Variants in ZNF224 observed in about 807,000 individuals in gnomAD.
ZNF224 encodes the protein bone marrow zinc finger 2.
In ZNF224, 8 loss-of-function variants were observed where a neutral mutation model predicts 10.5. The observed-to-expected ratio is 0.76, with a 90% CI of 0.45 to 1.37. The LOEUF (loss-of-function observed/expected upper bound fraction) is 1.37, where lower values mean the gene tolerates loss of function less well. Among genes scored for constraint, ZNF224 ranks in the 40% most tolerant of loss-of-function variants. The pLI, the probability that ZNF224 is intolerant of heterozygous loss-of-function variation, is 0.00. For missense variants in ZNF224, 754 were observed against 854.0 expected, an observed-to-expected ratio of 0.88 and a Z score of 1.46; for synonymous variants, 282 against 287.8, an observed-to-expected ratio of 0.98 and a Z score of 0.20.
chr19:44,108,324 G>T lies in ZNF224; in HGVS notation c.*40G>T. The T allele has an allele frequency of 6.4e-7, 1 of 1,554,564 alleles. No individual in the cohort carries two copies. Among genetic ancestry groups the T allele is most frequent in the South Asian group, 1.2e-5 (1 of 81,012 alleles). On this transcript the variant is annotated 3_prime_UTR_variant, in exon 6 of 6. Coordinates refer to ENST00000693561, the MANE Select transcript of ZNF224 (RefSeq NM_001321645.3). ...AATAAAGTCTTCACTCAGTCTTCATGAATGCAGTCTCATCTGAAAGTTCAC... is the reference window on the plus strand; with the variant it reads ...AATAAAGTCTTCACTCAGTCTTCATTAATGCAGTCTCATCTGAAAGTTCAC...
At chr19:44,104,922 G>A (rs1301737142) in intron 5 of ZNF224, among the ~76,000 whole-genome samples, 7 of 152,130 alleles carry the variant, frequency 4.6e-5, no homozygotes, top group African/African-American at 1.2e-4. Flanking sequence ...TCGGCCTCCC[G>A]AAGTGCTGGG....
intron 5 of ZNF224, among the ~76,000 whole-genome samples, chr19:44,102,346 A>G (rs1218334797): frequency 1.3e-5 from 2 of 152,084 alleles, no homozygotes; most frequent in African/African-American, 4.8e-5. Context: ...TTTATCTGTC[A>G]CTTCTACATG....
In ZNF224 at chr19:44,100,812, C is replaced by T; in HGVS notation, c.27C>T (p.Thr9=). The T allele has an allele frequency of 6.2e-7, 1 of 1,613,828 alleles. No homozygotes were observed. Residue 9 remains threonine, a synonymous_variant, in exon 4 of 6, where the codon ACC becomes ACT. Transcript: ENST00000693561. ...GTTTGATGCTATAGGAGGCAATGACCTTCAAGGACGTGGCTGTGGTCTTCA... is the reference window on the plus strand; with the variant it reads ...GTTTGATGCTATAGGAGGCAATGACTTTCAAGGACGTGGCTGTGGTCTTCA... MTTFKEAM[T]FKDVAVVFTE...
rs1568531827 is a variant in ZNF224 at position 44,106,738 on chromosome 19, T to C, written c.578T>C (p.Ile193Thr). The C allele has an allele frequency of 1.9e-6, 3 of 1,611,342 alleles. No individual in the cohort carries two copies. In the Admixed American group the frequency reaches 5.0e-5, roughly 27 times the overall value. Residue 193 changes from isoleucine to threonine, a missense_variant, in exon 6 of 6, where the codon ATT (isoleucine) becomes ACT (threonine). Physicochemically the swap from Ile to Thr is moderately conservative, Grantham distance 89. Coordinates refer to ENST00000693561, the MANE Select transcript of ZNF224 (RefSeq NM_001321645.3). ...KNFCYISALR[I>T]HQRVHMGEKC... ...TTTTGTTACATCTCAGCCCTTCGTA[T>C]TCATCAGAGAGTCCACATGGGAGAG... is the stretch of plus-strand genomic sequence containing the variant.
rs768274910 is a variant in ZNF224, at chr19:44,107,881, G to T, written c.1721G>T (p.Gly574Val). ...GEKPFKCEEC[G>V]KRFTQNSQLH... ...AAACCATTCAAATGTGAAGAGTGTG[G>T]GAAAAGATTTACTCAGAATTCACAG... The change falls in exon 6 of 6, where the codon GGG becomes GTG. Residue 574 changes from glycine (G) to valine (V), a missense_variant. Coordinates refer to ENST00000693561, the MANE Select transcript of ZNF224 (RefSeq NM_001321645.3). 2 of 1,601,188 alleles carry T rather than the reference G, an allele frequency of 1.2e-6. No homozygotes were observed. The highest frequency in any genetic ancestry group is 1.7e-4 in the Middle Eastern group (1 of 5,998).
rs1466917074 is a variant in ZNF224 at position 44,106,803 on chromosome 19, CAG to C, written c.646_647del (p.Ser216PhefsTer28). The C allele has an allele frequency of 6.2e-7, 1 of 1,613,826 alleles. No homozygotes were observed. Among genetic ancestry groups the C allele is most frequent in the Admixed American group, 1.7e-5 (1 of 60,020 alleles). On this transcript the variant is annotated frameshift_variant, in exon 6 of 6. Transcript: ENST00000693561. LOFTEE classifies it low-confidence loss of function (END_TRUNC). ...KCDVCGKEFS[Q>X]SSHLQTHQRV... ...TGACGTGTGTGGTAAGGAATTCAGTCAGAGTTCACATCTGCAAACTCATCAGA... is the reference window on the plus strand; with the variant it reads ...TGACGTGTGTGGTAAGGAATTCAGTCAGTTCACATCTGCAAACTCATCAGA...
chr19:44,098,038 G>T, intron 3 of ZNF224, 150 bp downstream of exon 3: 1 of 783,114 alleles, frequency 1.3e-6, no homozygotes, highest in South Asian at 2.1e-5. Context: ...ACTTTTGAGT[G>T]GATTTTGCAT....
Position 44,107,196 on chromosome 19 carries a change from T to C in ZNF224, c.1036T>C (p.Cys346Arg), listed in dbSNP as rs762291358. Residue 346 changes from cysteine to arginine, a missense_variant, in exon 6 of 6, where the codon TGT (cysteine) becomes CGT (arginine). By Grantham distance (180) the Cys-to-Arg change is radical. Transcript: ENST00000693561. ...CCACACAGGAGAGAAACCATACAAA[T>C]GTGAGGAGTGTGGAAAAGGCTTTAT... Reference protein sequence around the residue: ...MIHTGEKPYKCEECGKGFICR... With the variant: ...MIHTGEKPYKREECGKGFICR... 6.2e-7 allele frequency: 1 copy of C among 1,605,634 alleles called. No homozygotes were observed. Among genetic ancestry groups the C allele is most frequent in the Non-Finnish European group, 8.5e-7 (1 of 1,175,664 alleles).
intron 5 of ZNF224, among the ~76,000 whole-genome samples, chr19:44,101,776 G>C (rs1967553217): frequency 6.6e-6 from 1 of 152,132 alleles, no homozygotes; most frequent in African/African-American, 2.4e-5. Context: ...AGGGCTTCAT[G>C]TTTTCTGGAT....
intron 5 of ZNF224, chr19:44,106,164 A>C (rs1157760891): frequency 3.1e-5 from 17 of 548,440 alleles, no homozygotes; most frequent in Non-Finnish European, 4.8e-5. Flanking sequence ...CACCACACCC[A>C]TGTCAACATC....
At position 44,109,629 on chromosome 19, in the gene ZNF224, C is replaced by A. The variant is rs1178356537; in HGVS notation, c.*1345C>A. On this transcript the variant is annotated 3_prime_UTR_variant, in exon 6 of 6. Coordinates refer to ENST00000693561, the MANE Select transcript of ZNF224 (RefSeq NM_001321645.3). ...CACTAAAACTCCAAAAAGTAGAAGA[C>A]CACATTGATGATGTCACTGCATTTT... is the stretch of plus-strand genomic sequence containing the variant. The A allele has an allele frequency of 6.6e-6, 1 of 152,052 alleles. No individual in the cohort carries two copies. Among genetic ancestry groups the A allele is most frequent in the Non-Finnish European group, 1.5e-5 (1 of 68,010 alleles). The allele number at this position is 152,052 out of a possible 1,614,324, so 9.4% of individuals were successfully genotyped here.
Position 44,106,905 on chromosome 19 carries a change from G to A in ZNF224, c.745G>A (p.Val249Ile), listed in dbSNP as rs1476413430. 2.5e-6 allele frequency: 4 copies of A among 1,609,198 alleles called. No homozygotes were observed. Among genetic ancestry groups the A allele is most frequent in the African/African-American group, 1.3e-5 (1 of 74,810 alleles). The change falls in exon 6 of 6, where the codon GTT becomes ATT. Residue 249 changes from valine (V) to isoleucine (I), a missense_variant. Coordinates refer to ENST00000693561, the MANE Select transcript of ZNF224 (RefSeq NM_001321645.3). ...KGFSRRSALNVHHKLHTGEKP... is the reference protein window; with the variant it reads ...KGFSRRSALNIHHKLHTGEKP... ...CTTCAGTCGTAGATCAGCACTTAATGTTCATCATAAATTACACACAGGAGA... is the reference window on the plus strand; with the variant it reads ...CTTCAGTCGTAGATCAGCACTTAATATTCATCATAAATTACACACAGGAGA...
At chr19:44,100,670 A>G in intron 3 of ZNF224, 131 bp from the exon 4 acceptor site, 1 of 1,163,470 alleles carries the variant, frequency 8.6e-7, no homozygotes, top group Non-Finnish European at 1.2e-6. Flanking sequence ...TGAGTAGGAA[A>G]TCTACGAGTT....
In ZNF224 at chr19:44,107,472, A is replaced by T; in HGVS notation, c.1312A>T (p.Lys438Ter). ...YKCVECGKGY[K>*]RRLDLDFHQR... Reference sequence around the variant, plus strand: ...ATGTGTGGAGTGTGGGAAGGGCTACAAAAGGAGGTTGGATCTTGACTTTCA... The same window carrying T: ...ATGTGTGGAGTGTGGGAAGGGCTACTAAAGGAGGTTGGATCTTGACTTTCA... Residue 438 changes from lysine to a stop codon, truncating the protein, a stop_gained, in exon 6 of 6, where the codon AAA becomes TAA. Coordinates refer to ENST00000693561, the MANE Select transcript of ZNF224 (RefSeq NM_001321645.3). LOFTEE classifies it low-confidence loss of function (END_TRUNC). 6.2e-7 allele frequency: 1 copy of T among 1,605,584 alleles called. No homozygotes were observed. The highest frequency in any genetic ancestry group is 8.5e-7 in the Non-Finnish European group (1 of 1,176,466).
rs1967787787 is a variant in ZNF224 at position 44,109,599 on chromosome 19, T to C, written c.*1315T>C. 6.6e-6 allele frequency: 1 copy of C among 152,330 alleles called. No individual in the cohort carries two copies. The highest frequency in any genetic ancestry group is 2.1e-4 in the South Asian group (1 of 4,830). 9.4% of individuals were successfully genotyped at this position (152,330 alleles called of 1,614,324 possible). A position where few individuals can be genotyped will look rare whatever the true frequency, so the allele number is the denominator to read the frequency against. On this transcript the variant is annotated 3_prime_UTR_variant, in exon 6 of 6. Transcript: ENST00000693561. ...AAACCATAGGATAGGAAACTATGCC[T>C]ATGACACTAAAACTCCAAAAAGTAG...
intron 5 of ZNF224, among the ~76,000 whole-genome samples, chr19:44,103,911 C>T (rs1024896077): frequency 1.3e-5 from 2 of 152,188 alleles, no homozygotes; most frequent in South Asian, 4.2e-4. Context: ...GGCTGGTCAC[C>T]AACTCCTGGG....
rs959321270 is a variant in ZNF224 at position 44,109,682 on chromosome 19, C to T, written c.*1398C>T. 6.6e-6 allele frequency: 1 copy of T among 152,128 alleles called. No individual in the cohort carries two copies. The highest frequency in any genetic ancestry group is 2.4e-5 in the African/African-American group (1 of 41,430). The allele number at this position is 152,128 out of a possible 1,614,324, so 9.4% of individuals were successfully genotyped here. A position where few individuals can be genotyped will look rare whatever the true frequency, so the allele number is the denominator to read the frequency against. On this transcript the variant is annotated 3_prime_UTR_variant, in exon 6 of 6. Coordinates refer to ENST00000693561, the MANE Select transcript of ZNF224 (RefSeq NM_001321645.3). ...AATGGAAAGAACAAGTGTTCAAGAA[C>T]AGGAATTTGTGTGAATTGCATTTAT...
chr19:44,102,259 C>T (rs531920120), intron 5 of ZNF224, among the ~76,000 whole-genome samples: 48 of 152,288 alleles, frequency 3.2e-4, no homozygotes, highest in African/African-American at 1.1e-3. Context: ...AGAAGCCATC[C>T]TAAACCACTC....
intron 1 of ZNF224, chr19:44,095,072 T>C (rs1352846671): frequency 1.3e-5 from 3 of 223,634 alleles, no homozygotes; most frequent in Non-Finnish European, 1.9e-5. Flanking sequence ...GCGGTCAAGG[T>C]GTTTCACAGC....
Sources: gnomAD v4.1 joint callset for allele counts (sites outside exome capture counted in the v4.1 genomes callset) on GRCh38, gnomAD v4.1.1 for gene constraint, MANE v1.5 for transcripts, NCBI Gene and HGNC (gene_info 2026-07-23, HGNC 2026-07-21) for gene names.